PCDH1: variants seen among roughly 807,000 people sequenced by gnomAD.
PCDH1 encodes the protein protocadherin 1.
In PCDH1, 23 loss-of-function variants were observed where a neutral mutation model predicts 74.6. The ratio of observed to expected loss-of-function variants is 0.31; its 90% CI spans 0.22 to 0.44. The LOEUF (loss-of-function observed/expected upper bound fraction) is 0.44, where lower values mean the gene tolerates loss of function less well. PCDH1 is among the 20% of genes least tolerant of loss of function. The pLI is 1.00. For missense variants in PCDH1, 1,214 were observed against 1,641.4 expected (o/e 0.74, Z 4.50); for synonymous variants, 647 against 686.1 (o/e 0.94, Z 0.89).
chr5:141,864,906 C>G lies in PCDH1; in HGVS notation c.1425G>C (p.Glu475Asp). The change falls in exon 3 of 5, where the codon GAG (glutamate) becomes GAC (aspartate). Residue 475 changes from glutamate (E) to aspartate (D), a missense_variant. Coordinates refer to ENST00000287008, the MANE Select transcript of PCDH1 (RefSeq NM_032420.5). This position sits in a 1 kb window ranked among gnomAD's most constrained non-coding sequence, Gnocchi z 5.9. ...GGTTGCCAGAGTCCACAGCCACAAT[C>G]TCAATGGTGTAGTCTTTGACCTTCT... ...DYEKVKDYTI[E>D]IVAVDSGNPP... 6.2e-7 allele frequency: 1 copy of G among 1,614,172 alleles called. No individual in the cohort carries two copies. Among genetic ancestry groups the G allele is most frequent in the Non-Finnish European group, 8.5e-7 (1 of 1,180,024 alleles).
At chr5:141,858,734 G>C (rs1257854469) in intron 3 of PCDH1, among the ~76,000 whole-genome samples, 2 of 152,162 alleles carry the variant, frequency 1.3e-5, no homozygotes, top group African/African-American at 4.8e-5. Context: ...TGGAGGCCAG[G>C]GGTGAAAACA....
chr5:141,875,891 C>T (rs541175122), intron 1 of PCDH1, among the ~76,000 whole-genome samples: 5 of 152,270 alleles, frequency 3.3e-5, no homozygotes, highest in African/African-American at 9.6e-5. Context: ...TCCCGCGCCC[C>T]CCACCCCCTA....
chr5:141,875,860 A>T lies in PCDH1; in HGVS notation c.40+2363T>A, dbSNP rs150062268. Reference sequence around the variant, plus strand: ...TCCAATTCCCCCAGACCTTAACGTCAATAAAGTAACACCCACCTACTCCCG... The same window carrying T: ...TCCAATTCCCCCAGACCTTAACGTCTATAAAGTAACACCCACCTACTCCCG... On this transcript the variant is annotated intron_variant, in intron 1 of 4. Transcript: ENST00000287008. Among the ~76,000 whole-genome samples, 1,422 of 152,120 alleles carry T rather than the reference A, an allele frequency of 9.3e-3. 11 individuals are homozygous for T. Among genetic ancestry groups the T allele is most frequent in the Non-Finnish European group, 0.015 (1,047 of 67,988 alleles).
At chr5:141,867,500 C>G in intron 2 of PCDH1, 1 of 434,984 alleles carries the variant, frequency 2.3e-6, no homozygotes, top group South Asian at 1.7e-5. Flanking sequence ...TGATATAATA[C>G]ACATCATGTG....
chr5:141,877,860 G>A (rs976134535), intron 1 of PCDH1, among the ~76,000 whole-genome samples: 1 of 152,118 alleles, frequency 6.6e-6, no homozygotes, highest in African/African-American at 2.4e-5. Context: ...TCCGTCCTCC[G>A]GGAGACCCCC....
Position 141,863,730 on chromosome 5 carries a change from G to A in PCDH1, c.2601C>T (p.Leu867=), listed in dbSNP as rs773540036. The A allele has an allele frequency of 7.4e-6, 12 of 1,614,098 alleles. No homozygotes were observed. In the East Asian group the frequency reaches 2.0e-4, roughly 27 times the overall value. The change falls in exon 3 of 5, where the codon CTC becomes CTT. Residue 867 remains leucine (L), a synonymous_variant. Coordinates refer to ENST00000287008, the MANE Select transcript of PCDH1 (RefSeq NM_032420.5). This position sits in a 1 kb window ranked among gnomAD's most constrained non-coding sequence, Gnocchi z 7.5. ...AGCGCACAAGAACCGCCAGGGCGAT[G>A]AGCAAGGCCACGGCCACCACACCAG... ...VVAGVVAVAL[L]IALAVLVRYC...
intron 1 of PCDH1, among the ~76,000 whole-genome samples, chr5:141,870,433 T>C (rs1221178944): frequency 1.3e-5 from 2 of 152,190 alleles, no homozygotes; most frequent in South Asian, 2.1e-4. Flanking sequence ...GGAATTGGCA[T>C]TGGGAGCTGC....
Position 141,869,378 on chromosome 5 carries a change from G to T in PCDH1, c.94C>A (p.Pro32Thr). 6.3e-7 allele frequency: 1 copy of T among 1,597,450 alleles called. No homozygotes were observed. The highest frequency in any genetic ancestry group is 8.5e-7 in the Non-Finnish European group (1 of 1,176,556). Residue 32 changes from proline to threonine, a missense_variant, in exon 2 of 5, where the codon CCT becomes ACT. Physicochemically the swap from Pro to Thr is conservative, Grantham distance 38 (BLOSUM62 -1). Around this residue, in one of 4 missense-constraint regions of PCDH1, gnomAD observed 87 missense variants for 87.7 expected, o/e 0.99. Coordinates refer to ENST00000287008, the MANE Select transcript of PCDH1 (RefSeq NM_032420.5). The surrounding 1 kb of genome is among the most constrained non-coding windows in gnomAD (Gnocchi z 4.9). ...GGCAGCAGTAGCCGTTGCCCCCCAG[G>T]GCCTGGGCTGTGCCTCAGGTGCTCC... ...RMEHLRHSPG[P>T]GGQRLLLPSM...
At chr5:141,861,846 A>G (rs1373643730) in intron 3 of PCDH1, among the ~76,000 whole-genome samples, 1 of 151,844 alleles carries the variant, frequency 6.6e-6, no homozygotes, top group Non-Finnish European at 1.5e-5. Context: ...CAGGAGAGCA[A>G]GAAGTGAGAG....
At chr5:141,875,766 A>G (rs1047046902) in intron 1 of PCDH1, among the ~76,000 whole-genome samples, 10 of 152,022 alleles carry the variant, frequency 6.6e-5, no homozygotes, top group African/African-American at 2.4e-4. Context: ...GCCTCTGGCT[A>G]CCTCTGGGGG....
At chr5:141,875,601 C>A (rs1753204596) in intron 1 of PCDH1, among the ~76,000 whole-genome samples, 1 of 152,054 alleles carries the variant, frequency 6.6e-6, no homozygotes, top group Non-Finnish European at 1.5e-5. Flanking sequence ...GAAGTAGCCA[C>A]AGCAGCAGCC....
In PCDH1 at chr5:141,868,789, T is replaced by C; in HGVS notation, c.683A>G (p.Lys228Arg). The change falls in exon 2 of 5, where the codon AAG becomes AGG. Residue 228 changes from lysine to arginine, a missense_variant. Transcript: ENST00000287008. This position sits in a 1 kb window ranked among gnomAD's most constrained non-coding sequence, Gnocchi z 4.8. ...GCCCATCACAATGAGCTGTGGTTGCTTCTCCTCCTGGTCCTCTGCCACCTG... is the reference window on the plus strand; with the variant it reads ...GCCCATCACAATGAGCTGTGGTTGCCTCTCCTCCTGGTCCTCTGCCACCTG... Reference protein sequence around the residue: ...GLQVAEDQEEKQPQLIVMGNL... With the variant: ...GLQVAEDQEERQPQLIVMGNL... 1 of 1,614,200 alleles carries C rather than the reference T, an allele frequency of 6.2e-7. No homozygotes were observed. The highest frequency in any genetic ancestry group is 1.1e-5 in the South Asian group (1 of 91,082).
intron 4 of PCDH1, among the ~76,000 whole-genome samples, chr5:141,855,368 T>C (rs141035020): frequency 4.1e-4 from 62 of 152,190 alleles, no homozygotes; most frequent in African/African-American, 1.5e-3. Flanking sequence ...CACACACTCA[T>C]CTACACACTG....
chr5:141,856,126 G>A (rs1196806394), intron 4 of PCDH1: 8 of 1,169,300 alleles, frequency 6.8e-6, no homozygotes, highest in South Asian at 2.6e-5. Flanking sequence ...GTTGGGGGAC[G>A]CAACATGGCT....
chr5:141,859,476 TTGC>T (rs1216069690), intron 3 of PCDH1, among the ~76,000 whole-genome samples: 1 of 152,180 alleles, frequency 6.6e-6, no homozygotes, highest in Non-Finnish European at 1.5e-5. Flanking sequence ...CTCTAGACAC[TTGC>T]TGATTATTTC....
At chr5:141,877,787 T>C (rs889361669) in intron 1 of PCDH1, among the ~76,000 whole-genome samples, 1 of 152,132 alleles carries the variant, frequency 6.6e-6, no homozygotes, top group Non-Finnish European at 1.5e-5. Flanking sequence ...AGCGGCTGAG[T>C]GAGCCGAGGT....
chr5:141,867,877 A>G (rs536503562), intron 2 of PCDH1, among the ~76,000 whole-genome samples: 3 of 152,314 alleles, frequency 2.0e-5, no homozygotes, highest in South Asian at 2.1e-4. Context: ...CCCAGTCCCC[A>G]GCCCCACCAA....
rs1753033153 is a variant in PCDH1 at position 141,869,549 on chromosome 5, G to A, written c.41-118C>T. On this transcript the variant is annotated intron_variant, in intron 1 of 4. Coordinates refer to ENST00000287008, the MANE Select transcript of PCDH1 (RefSeq NM_032420.5). This position sits in a 1 kb window ranked among gnomAD's most constrained non-coding sequence, Gnocchi z 4.9. The stretch of plus-strand genomic sequence containing the variant: ...CACTGACACACGATTCTCCACAAGA[G>A]CAGTCAGTCCCAGCACAGAACCCCG... 2 of 1,539,180 alleles carry A rather than the reference G, an allele frequency of 1.3e-6. No individual in the cohort carries two copies. The highest frequency in any genetic ancestry group is 2.0e-5 in the Admixed American group (1 of 51,056).
rs775919408 is a variant in PCDH1 at position 141,869,535 on chromosome 5, G to A, written c.41-104C>T. On this transcript the variant is annotated intron_variant, in intron 1 of 4. Coordinates refer to ENST00000287008, the MANE Select transcript of PCDH1 (RefSeq NM_032420.5). This position sits in a 1 kb window ranked among gnomAD's most constrained non-coding sequence, Gnocchi z 4.9. ...TACTCACCCTCTCCCACTGACACAC[G>A]ATTCTCCACAAGAGCAGTCAGTCCC... 7.5e-5 allele frequency: 115 copies of A among 1,543,434 alleles called. No homozygotes were observed. Among genetic ancestry groups the A allele is most frequent in the Admixed American group, 2.0e-4 (10 of 51,134 alleles).
Sources: allele counts gnomAD v4.1 joint callset (sites outside exome capture counted in the v4.1 genomes callset), GRCh38; gene constraint gnomAD v4.1.1; regional missense constraint gnomAD v4.1.1; non-coding constraint Gnocchi (gnomAD v3.1); transcripts MANE v1.5; gene names NCBI Gene and HGNC (gene_info 2026-07-23, HGNC 2026-07-21).